Variants in PDE6G observed in about 807,000 individuals in gnomAD.
The protein encoded by PDE6G is rod cGMP 3',5'-cyclic phosphodiesterase subunit gamma.
In PDE6G, 10 loss-of-function variants were observed where a neutral mutation model predicts 10.9. The observed-to-expected ratio is 0.91, with a 90% confidence interval of 0.56 to 1.55. The LOEUF is 1.55. Ranked by LOEUF, PDE6G falls within the 40% of genes most tolerant of loss-of-function variation. The pLI is 0.00. For synonymous variants in PDE6G, 41 were observed against 42.8 expected (o/e 0.96, Z 0.16); for missense variants, 102 against 110.1 (o/e 0.93, Z 0.33).
Position 81,656,477 on chromosome 17 carries a change from G to A in PDE6G, c.-60+16C>T. The A allele has an allele frequency of 3.9e-6, 3 of 760,454 alleles. No individual in the cohort carries two copies. Among genetic ancestry groups the A allele is most frequent in the Non-Finnish European group, 7.2e-6 (3 of 416,108 alleles). The allele number at this position is 760,454 out of a possible 1,614,324, so 47.1% of individuals were successfully genotyped here. On this transcript the variant is annotated intron_variant, in intron 1 of 3. Transcript: ENST00000331056. Reference sequence around the variant, plus strand: ...AGTGGCTGCCAGGAAAGACAGCGGGGTTGGCCACTACTCACCAAGTGCAGG... The same window carrying A: ...AGTGGCTGCCAGGAAAGACAGCGGGATTGGCCACTACTCACCAAGTGCAGG...
upstream of PDE6G, among the ~76,000 whole-genome samples, chr17:81,659,322 A>C (rs896638008): frequency 2.0e-5 from 3 of 151,938 alleles, no homozygotes; most frequent in African/African-American, 7.3e-5. Flanking sequence ...GAAATAGTAA[A>C]ATAGGCCAGG....
At position 81,656,542 on chromosome 17, in the gene PDE6G, C is replaced by G; in HGVS notation, c.-109G>C. 1 of 763,194 alleles carries G rather than the reference C, an allele frequency of 1.3e-6. No homozygotes were observed. The highest frequency in any genetic ancestry group is 1.4e-5 in the South Asian group (1 of 74,056). The allele number at this position is 763,194 out of a possible 1,614,324, so 47.3% of individuals were successfully genotyped here. On this transcript the variant is annotated 5_prime_UTR_variant, in exon 1 of 4. Transcript: ENST00000331056. The stretch of plus-strand genomic sequence containing the variant: ...GCTGTGCTGTGAGTGCTGGGCCTCC[C>G]TCCGCAGGGTGCCAGCCCCGGCCTT...
In PDE6G at chr17:81,653,645, A is replaced by G. The variant is rs543630133; in HGVS notation, c.-59-281T>C. On this transcript the variant is annotated intron_variant, in intron 1 of 3. Transcript: ENST00000331056. This position sits in a 1 kb window ranked among gnomAD's most constrained non-coding sequence, Gnocchi z 5.2. ...CTGGCCTCCCTCGCCCCGGCCCACA[A>G]TCCACAGCAAACCTAGCCTCCCAAC... The G allele has an allele frequency of 1.7e-4, 62 of 375,636 alleles. No individual in the cohort carries two copies. Among genetic ancestry groups the G allele is most frequent in the African/African-American group, 1.2e-3 (58 of 48,552 alleles). The allele number at this position is 375,636 out of a possible 1,614,324, so 23.3% of individuals were successfully genotyped here.
intron 1 of PDE6G, among the ~76,000 whole-genome samples, chr17:81,655,428 T>A (rs1397534765): frequency 6.6e-6 from 1 of 152,318 alleles, no homozygotes; most frequent in African/African-American, 2.4e-5. Flanking sequence ...GGGAGCAGGG[T>A]CACCCGCCTG....
upstream of PDE6G, among the ~76,000 whole-genome samples, chr17:81,660,679 A>C (rs140923015): frequency 1.4e-3 from 208 of 152,266 alleles, 1 homozygote; most frequent in African/African-American, 4.8e-3. Flanking sequence ...TTTTGTAAAG[A>C]TAGAGTCTCA....
intron 1 of PDE6G, among the ~76,000 whole-genome samples, chr17:81,654,095 C>T (rs895744715): frequency 6.6e-6 from 1 of 152,162 alleles, no homozygotes; most frequent in East Asian, 1.9e-4. Flanking sequence ...GTATTACAGG[C>T]GTGAGCCACC....
At chr17:81,656,885 T>C (rs1033727814), upstream of PDE6G, 5 of 476,782 alleles carry the variant, frequency 1.0e-5, no homozygotes, top group Non-Finnish European at 1.5e-5. Flanking sequence ...CCCAAAACCC[T>C]CTGCAGCCTG....
At chr17:81,656,964 T>G, upstream of PDE6G, 1 of 290,686 alleles carries the variant, frequency 3.4e-6, no homozygotes, top group South Asian at 3.9e-5. Flanking sequence ...CTGCTGCTCC[T>G]GAAACCAAAC....
chr17:81,651,979 G>A lies in PDE6G; in HGVS notation c.147-294C>T, dbSNP rs924224099. Among the ~76,000 whole-genome samples the A allele has an allele frequency of 2.0e-5, 3 of 152,210 alleles. No individual in the cohort carries two copies. Among genetic ancestry groups the A allele is most frequent in the Non-Finnish European group, 4.4e-5 (3 of 68,024 alleles). On this transcript the variant is annotated intron_variant, in intron 2 of 3. Coordinates refer to ENST00000331056, the MANE Select transcript of PDE6G (RefSeq NM_002602.4). This position sits in a 1 kb window ranked among gnomAD's most constrained non-coding sequence, Gnocchi z 4.8. ...GCCCTGGGGGAGTACGGGGGGGTGC[G>A]TGGTTGGTGCATGGTCTGAGTGTAG... is the stretch of plus-strand genomic sequence containing the variant.
upstream of PDE6G, among the ~76,000 whole-genome samples, chr17:81,659,757 A>G (rs937960243): frequency 1.3e-5 from 2 of 152,148 alleles, no homozygotes; most frequent in Non-Finnish European, 1.5e-5. Flanking sequence ...TTAGCCCTCT[A>G]CGTAATTGCT....
chr17:81,651,717 G>A lies in PDE6G; in HGVS notation c.147-32C>T, dbSNP rs377261644. The A allele has an allele frequency of 4.4e-5, 71 of 1,611,474 alleles. No homozygotes were observed. Among genetic ancestry groups the A allele is most frequent in the East Asian group, 6.7e-5 (3 of 44,822 alleles). On this transcript the variant is annotated intron_variant, in intron 2 of 3. Coordinates refer to ENST00000331056, the MANE Select transcript of PDE6G (RefSeq NM_002602.4). This position sits in a 1 kb window ranked among gnomAD's most constrained non-coding sequence, Gnocchi z 4.8. ...GGACAGAGCACTCAGGGACATGGCC[G>A]GGCCCAGTCCTGGCTCAGTCAGCCT...
intron 1 of PDE6G, among the ~76,000 whole-genome samples, chr17:81,662,147 T>C (rs1219904649): frequency 6.6e-6 from 1 of 152,118 alleles, no homozygotes; most frequent in African/African-American, 2.4e-5. Flanking sequence ...ATGTATTATG[T>C]CTCCCTAAAA....
upstream of PDE6G, among the ~76,000 whole-genome samples, chr17:81,661,192 G>A (rs1409521654): frequency 6.6e-6 from 1 of 152,154 alleles, no homozygotes; most frequent in Non-Finnish European, 1.5e-5. Context: ...CTTGGGCAAC[G>A]TAGGAAGACC....
upstream of PDE6G, among the ~76,000 whole-genome samples, chr17:81,660,425 C>G (rs1388556839): frequency 1.3e-5 from 2 of 152,086 alleles, no homozygotes; most frequent in Non-Finnish European, 2.9e-5. Flanking sequence ...AAAAATGAAG[C>G]TATTAATACT....
At chr17:81,657,728 A>C (rs2036465187), upstream of PDE6G, among the ~76,000 whole-genome samples, 1 of 151,782 alleles carries the variant, frequency 6.6e-6, no homozygotes, top group African/African-American at 2.4e-5. Context: ...AAAATACAAA[A>C]AAATTAGCCG....
In PDE6G at chr17:81,653,685, G is replaced by A. The variant is rs2036404391; in HGVS notation, c.-59-321C>T. 1 of 303,514 alleles carries A rather than the reference G, an allele frequency of 3.3e-6. No homozygotes were observed. Among genetic ancestry groups the A allele is most frequent in the African/African-American group, 2.1e-5 (1 of 46,890 alleles). 18.8% of individuals were successfully genotyped at this position (303,514 alleles called of 1,614,324 possible). On this transcript the variant is annotated intron_variant, in intron 1 of 3. Transcript: ENST00000331056. The surrounding 1 kb of genome is among the most constrained non-coding windows in gnomAD (Gnocchi z 5.2). The stretch of plus-strand genomic sequence containing the variant: ...AGCCTCCCAACCTGTGGCAGGTCCT[G>A]AGCCTGGAGTCCTCACCACCTCCCT...
intron 2 of PDE6G, among the ~76,000 whole-genome samples, chr17:81,652,414 C>T (rs1453152350): frequency 6.7e-6 from 1 of 148,986 alleles, no homozygotes; most frequent in African/African-American, 2.5e-5. Flanking sequence ...GTAGCTGGGA[C>T]TACAGGCGCC....
At chr17:81,658,033 C>G (rs1205617390), upstream of PDE6G, among the ~76,000 whole-genome samples, 1 of 150,444 alleles carries the variant, frequency 6.6e-6, no homozygotes, top group Non-Finnish European at 1.5e-5. Context: ...GAGACCCCCC[C>G]ATCTCTACAA....
intron 1 of PDE6G, among the ~76,000 whole-genome samples, chr17:81,656,183 G>A (rs971947118): frequency 3.3e-5 from 5 of 152,210 alleles, no homozygotes; most frequent in African/African-American, 1.2e-4. Flanking sequence ...TGCCTGCGCT[G>A]CCCTGGCCCG....
Sources: gnomAD v4.1 joint callset for allele counts (sites outside exome capture counted in the v4.1 genomes callset) on GRCh38, gnomAD v4.1.1 for gene constraint, Gnocchi (gnomAD v3.1) non-coding constraint, MANE v1.5 for transcripts, NCBI Gene and HGNC (gene_info 2026-07-23, HGNC 2026-07-21) for gene names.